Variants in ZNF571 observed in about 807,000 individuals in gnomAD.
The protein encoded by ZNF571 is zinc finger protein 571.
A neutral mutation model predicts 7.7 loss-of-function variants in ZNF571; 4 were observed. The observed-to-expected ratio is 0.52, with a 90% confidence interval of 0.25 to 1.18. The LOEUF (loss-of-function observed/expected upper bound fraction) is 1.18. Ranked by LOEUF, ZNF571 falls within the 50% of genes most tolerant of loss-of-function variation. The probability of loss-of-function intolerance (pLI) is 0.14; values close to 1 mark genes in which losing one functional copy is unlikely to be tolerated. For missense variants in ZNF571, 704 were observed against 726.9 expected, an observed-to-expected ratio of 0.97 and a Z score of 0.36; for synonymous variants, 251 against 232.4, an observed-to-expected ratio of 1.08 and a Z score of -0.73.
At chr19:37,577,898 A>C (rs1280626696) in intron 3 of ZNF571, among the ~76,000 whole-genome samples, 1 of 152,158 alleles carries the variant, frequency 6.6e-6, no homozygotes, top group Non-Finnish European at 1.5e-5. Context: ...GGAGCCACAG[A>C]CCGTACTGTT....
chr19:37,567,181 A>C (rs556259203), intron 3 of ZNF571, among the ~76,000 whole-genome samples: 1 of 152,372 alleles, frequency 6.6e-6, no homozygotes, highest in East Asian at 1.9e-4. Flanking sequence ...ACTAATGGAT[A>C]TACCATTTCT....
chr19:37,588,561 G>A (rs1404211646), intron 1 of ZNF571, among the ~76,000 whole-genome samples: 1 of 152,102 alleles, frequency 6.6e-6, no homozygotes, highest in Non-Finnish European at 1.5e-5. Context: ...CTAGAGCACG[G>A]AGAGAAGGAG....
In ZNF571 at chr19:37,565,506, C is replaced by T; in HGVS notation, c.922G>A (p.Glu308Lys). Residue 308 changes from glutamate (E) to lysine (K), a missense_variant, in exon 4 of 4, where the codon GAG (glutamate) becomes AAG (lysine). Transcript: ENST00000451802. The stretch of plus-strand genomic sequence containing the variant: ...AAGGCCTTTCCACATTCCTTACACT[C>T]ATAAGGTTTCTCACCACTATGAATT... ...QRIHSGEKPY[E>K]CKECGKAFIL... 1 of 1,613,716 alleles carries T rather than the reference C, an allele frequency of 6.2e-7. No homozygotes were observed. The highest frequency in any genetic ancestry group is 8.5e-7 in the Non-Finnish European group (1 of 1,179,856).
At chr19:37,589,701 C>CA (rs1168835117) in intron 1 of ZNF571, among the ~76,000 whole-genome samples, 3 of 151,028 alleles carry the variant, frequency 2.0e-5, no homozygotes, top group African/African-American at 4.9e-5. Context: ...AGTATTCCTA[C>CA]AAAAAAATGC....
At chr19:37,566,467 G>A (rs1300827355) in intron 3 of ZNF571, 176 bp from the exon 4 acceptor site, 10 of 675,734 alleles carry the variant, frequency 1.5e-5, no homozygotes, top group Non-Finnish European at 2.1e-5. Context: ...AGAAAAAGGA[G>A]AGCTTATAGG....
At chr19:37,577,344 A>G (rs16974028) in intron 3 of ZNF571, among the ~76,000 whole-genome samples, 481 of 152,344 alleles carry the variant, frequency 3.2e-3, no homozygotes, top group African/African-American at 0.011. Flanking sequence ...GGAAGGTTTC[A>G]TATTGATTTG....
In ZNF571 at chr19:37,569,332, G is replaced by A. The variant is rs912846373; in HGVS notation, c.137-3041C>T. Among the ~76,000 whole-genome samples, 3 of 152,132 alleles carry A rather than the reference G, an allele frequency of 2.0e-5. No individual in the cohort carries two copies. Among genetic ancestry groups the A allele is most frequent in the Admixed American group, 2.0e-4 (3 of 15,264 alleles). On this transcript the variant is annotated intron_variant, in intron 3 of 3. Transcript: ENST00000451802. The surrounding 1 kb of genome is among the most constrained non-coding windows in gnomAD (Gnocchi z 4.4). ...TGTTCTAATCTCCATCTGGCAGATAGAATGGAATAGTAAATATGAAAATCA... is the reference window on the plus strand; with the variant it reads ...TGTTCTAATCTCCATCTGGCAGATAAAATGGAATAGTAAATATGAAAATCA...
In ZNF571 at chr19:37,566,259, A is replaced by G. The variant is rs2042855422; in HGVS notation, c.169T>C (p.Ser57Pro). 12 of 1,612,840 alleles carry G rather than the reference A, an allele frequency of 7.4e-6. No homozygotes were observed. Among genetic ancestry groups the G allele is most frequent in the South Asian group, 1.1e-5 (1 of 90,690 alleles). ...LESSCVTKKLSPEKEIYEMES... is the reference protein window; with the variant it reads ...LESSCVTKKLPPEKEIYEMES... Reference sequence around the variant, plus strand: ...ATTTCATAAATTTCCTTTTCTGGAGATAACTTTTTGGTCACACAACTGGAT... The same window carrying G: ...ATTTCATAAATTTCCTTTTCTGGAGGTAACTTTTTGGTCACACAACTGGAT... Residue 57 changes from serine to proline, a missense_variant, in exon 4 of 4, where the codon TCT becomes CCT. By Grantham distance (74) the Ser-to-Pro change is moderately conservative. Coordinates refer to ENST00000451802, the MANE Select transcript of ZNF571 (RefSeq NM_016536.5).
chr19:37,571,776 A>G (rs2043061841), intron 3 of ZNF571, among the ~76,000 whole-genome samples: 1 of 152,200 alleles, frequency 6.6e-6, no homozygotes, highest in Non-Finnish European at 1.5e-5. Flanking sequence ...TTTAACAGAA[A>G]CATGATAAGT....
At chr19:37,584,171 G>A in intron 2 of ZNF571, 74 bp from the exon 3 acceptor site, 1 of 1,600,008 alleles carries the variant, frequency 6.2e-7, no homozygotes, top group Non-Finnish European at 8.5e-7. Flanking sequence ...AAATGGAGGA[G>A]GTAATTGAAG....
chr19:37,588,029 G>A (rs992349680), intron 1 of ZNF571, among the ~76,000 whole-genome samples: 1 of 148,186 alleles, frequency 6.7e-6, no homozygotes, highest in Non-Finnish European at 1.5e-5. Flanking sequence ...GTACGCGGGA[G>A]GTGGAGGTTG....
At position 37,565,481 on chromosome 19, in the gene ZNF571, A is replaced by G; in HGVS notation, c.947T>C (p.Phe316Ser). Residue 316 changes from phenylalanine to serine, a missense_variant, in exon 4 of 4, where the codon TTT becomes TCT. By Grantham distance (155) the Phe-to-Ser change is radical. Coordinates refer to ENST00000451802, the MANE Select transcript of ZNF571 (RefSeq NM_016536.5). ...PYECKECGKA[F>S]ILGSHLTYHQ... The stretch of plus-strand genomic sequence containing the variant: ...GTATGTAAGGTGTGAACCAAGAATA[A>G]AGGCCTTTCCACATTCCTTACACTC... 1 of 1,613,420 alleles carries G rather than the reference A, an allele frequency of 6.2e-7. No homozygotes were observed. Among genetic ancestry groups the G allele is most frequent in the Non-Finnish European group, 8.5e-7 (1 of 1,179,762 alleles).
chr19:37,570,186 G>A (rs899574586), intron 3 of ZNF571, among the ~76,000 whole-genome samples: 1 of 152,108 alleles, frequency 6.6e-6, no homozygotes, highest in African/African-American at 2.4e-5. Context: ...TACCTTAAAA[G>A]CTTTGGTTTC....
chr19:37,583,890 G>A (rs1321009862), intron 3 of ZNF571, 81 bp downstream of exon 3: 2 of 1,434,050 alleles, frequency 1.4e-6, no homozygotes, highest in East Asian at 4.7e-5. Context: ...CTTTCCTTAG[G>A]GAATGGAGAT....
chr19:37,581,068 T>C (rs936321646), intron 3 of ZNF571, among the ~76,000 whole-genome samples: 1 of 152,230 alleles, frequency 6.6e-6, no homozygotes, highest in African/African-American at 2.4e-5. Context: ...ATTTTTGAAA[T>C]ATGCCTATTC....
rs776041973 is a variant in ZNF571 at position 37,565,116 on chromosome 19, G to A, written c.1312C>T (p.Gln438Ter). The change falls in exon 4 of 4, where the codon CAG becomes TAG. Residue 438 changes from glutamine to a stop codon, truncating the protein, a stop_gained. Transcript: ENST00000451802. LOFTEE classifies it low-confidence loss of function (END_TRUNC). ...FICGKQLSEH[Q>*]RIHTGEKPFE... is the part of the protein sequence containing the mutation. ...GGTTTCTCACCTGTATGAATTCTCT[G>A]ATGTTCACTAAGTTGTTTGCCACAA... 4 of 1,613,198 alleles carry A rather than the reference G, an allele frequency of 2.5e-6. No homozygotes were observed. The South Asian group carries it at 4.4e-5, about 18-fold the overall frequency.
At chr19:37,580,465 T>C (rs1399756303) in intron 3 of ZNF571, among the ~76,000 whole-genome samples, 3 of 152,250 alleles carry the variant, frequency 2.0e-5, no homozygotes, top group African/African-American at 7.2e-5. Flanking sequence ...AGGCATGCCA[T>C]GACAATAACT....
At chr19:37,586,551 G>A (rs972290409) in intron 2 of ZNF571, 117 bp downstream of exon 2, 1 of 1,172,616 alleles carries the variant, frequency 8.5e-7, no homozygotes, top group Non-Finnish European at 1.3e-6. Flanking sequence ...AATGGGAGAC[G>A]TTTGGAAGCA....
rs111301134 is a variant in ZNF571 at position 37,568,064 on chromosome 19, C to T, written c.137-1773G>A. 5.9e-3 allele frequency among the ~76,000 whole-genome samples: 890 copies of T among 152,056 alleles called. 10 individuals are homozygous for T. Among genetic ancestry groups the T allele is most frequent in the African/African-American group, 0.02 (839 of 41,456 alleles). ...ACACAATAAAGATCTTATATTATTCCGAAGAAAGAAGTTGAGAAACAAGTG... is the reference window on the plus strand; with the variant it reads ...ACACAATAAAGATCTTATATTATTCTGAAGAAAGAAGTTGAGAAACAAGTG... On this transcript the variant is annotated intron_variant, in intron 3 of 3. Coordinates refer to ENST00000451802, the MANE Select transcript of ZNF571 (RefSeq NM_016536.5).
Sources: gnomAD v4.1 joint callset for allele counts (sites outside exome capture counted in the v4.1 genomes callset) on GRCh38, gnomAD v4.1.1 for gene constraint, Gnocchi (gnomAD v3.1) non-coding constraint, MANE v1.5 for transcripts, NCBI Gene and HGNC (gene_info 2026-07-23, HGNC 2026-07-21) for gene names.